Variants in DIS3L2 observed in about 807,000 individuals in gnomAD.
The protein encoded by DIS3L2 is DIS3 like 3'-5' exoribonuclease 2.
In DIS3L2, 34 loss-of-function variants were observed where a neutral mutation model predicts 97.5. The ratio of observed to expected loss-of-function variants is 0.35; its 90% CI spans 0.27 to 0.46. The LOEUF (loss-of-function observed/expected upper bound fraction) is 0.46. Ranked by LOEUF, DIS3L2 falls within the 20% of genes least tolerant of loss-of-function variation. The pLI is 1.00. For synonymous variants in DIS3L2, 435 were observed against 445.2 expected, an observed-to-expected ratio of 0.98 and a Z score of 0.29; for missense variants, 1,038 against 1,146.0, an observed-to-expected ratio of 0.91 and a Z score of 1.36.
At chr2:232,039,121 C>G (rs966730253) in intron 5 of DIS3L2, among the ~76,000 whole-genome samples, 5 of 152,108 alleles carry the variant, frequency 3.3e-5, no homozygotes, top group Non-Finnish European at 7.4e-5. Context: ...TTAACGTCAG[C>G]CCCATTAGGT....
chr2:232,041,198 A>C (rs1008836606), intron 5 of DIS3L2, among the ~76,000 whole-genome samples: 2 of 152,204 alleles, frequency 1.3e-5, no homozygotes, highest in Admixed American at 1.3e-4. Context: ...TAGACAGTGG[A>C]GATGACCCAA....
downstream of DIS3L2, chr2:232,340,978 G>T (rs1417236757): frequency 6.4e-6 from 3 of 468,152 alleles, no homozygotes; most frequent in Non-Finnish European, 8.9e-6. Flanking sequence ...CCTTCCTGGA[G>T]GTGAGAAAGC....
intron 5 of DIS3L2, among the ~76,000 whole-genome samples, chr2:232,041,525 G>A (rs1362545694): frequency 2.6e-5 from 4 of 152,162 alleles, no homozygotes; most frequent in African/African-American, 9.7e-5. Flanking sequence ...CATACTGGGA[G>A]CAAAAACCAA....
intron 9 of DIS3L2, among the ~76,000 whole-genome samples, chr2:232,184,856 C>G (rs951590390): frequency 6.6e-6 from 1 of 152,184 alleles, no homozygotes; most frequent in Non-Finnish European, 1.5e-5. Flanking sequence ...AGCCCTTCAT[C>G]TTTCCTCAGT....
downstream of DIS3L2, chr2:232,337,284 G>GGCC: frequency 1.3e-6 from 1 of 788,992 alleles, no homozygotes; most frequent in Non-Finnish European, 1.5e-6. Context: ...CTCTGCACCA[G>GGCC]CTCCGCAGGG....
At chr2:231,989,676 A>G (rs900484676) in intron 1 of DIS3L2, among the ~76,000 whole-genome samples, 1 of 152,038 alleles carries the variant, frequency 6.6e-6, no homozygotes, top group Non-Finnish European at 1.5e-5. Flanking sequence ...TCTACAAAAA[A>G]GTAGAAAAAA....
chr2:232,233,239 C>T (rs530981854), intron 10 of DIS3L2, among the ~76,000 whole-genome samples: 1 of 152,334 alleles, frequency 6.6e-6, no homozygotes, highest in East Asian at 1.9e-4. Flanking sequence ...CGGATTTATT[C>T]CTCACAGTCC....
In DIS3L2 at chr2:231,989,098, G is replaced by T. The variant is rs368954723; in HGVS notation, c.-93-25737G>T. 2.0e-5 allele frequency among the ~76,000 whole-genome samples: 3 copies of T among 152,178 alleles called. No individual in the cohort carries two copies. In the South Asian group the frequency reaches 6.2e-4, roughly 32 times the overall value. On this transcript the variant is annotated intron_variant, in intron 1 of 20. Transcript: ENST00000325385. ...TGGAGATGTGATGGCTCGGATTACCGTTGAAATTATGCGTGTAGATAGTGG... is the reference window on the plus strand; with the variant it reads ...TGGAGATGTGATGGCTCGGATTACCTTTGAAATTATGCGTGTAGATAGTGG...
At chr2:232,049,738 G>C (rs1371336637) in intron 5 of DIS3L2, among the ~76,000 whole-genome samples, 2 of 152,148 alleles carry the variant, frequency 1.3e-5, no homozygotes, top group Non-Finnish European at 1.5e-5. Flanking sequence ...TTCATCCTGT[G>C]ACCTTGTTGA....
chr2:232,326,093 GGGCCCTGCTGACCGGGTCATCTCT>G (rs1695564934), intron 14 of DIS3L2, among the ~76,000 whole-genome samples: 1 of 152,184 alleles, frequency 6.6e-6, no homozygotes, highest in Non-Finnish European at 1.5e-5. Flanking sequence ...TCAGGGGAGA[GGGCCCTGCTGACCGGGTCATCTCT>G]GGCCCTGGGT....
rs1413129329 is a variant in DIS3L2, at chr2:232,276,387, C to A, written c.1659+12947C>A. On this transcript the variant is annotated intron_variant, in intron 13 of 20. Transcript: ENST00000325385. This position sits in a 1 kb window ranked among gnomAD's most constrained non-coding sequence, Gnocchi z 4.4. Reference sequence around the variant, plus strand: ...TCAGGCTTACCCACCTCCCTGGTGGCTATGCCAGAGCACAGCTGAGCTCAC... The same window carrying A: ...TCAGGCTTACCCACCTCCCTGGTGGATATGCCAGAGCACAGCTGAGCTCAC... Among the ~76,000 whole-genome samples, 1 of 152,230 alleles carries A rather than the reference C, an allele frequency of 6.6e-6. No homozygotes were observed. The highest frequency in any genetic ancestry group is 1.5e-5 in the Non-Finnish European group (1 of 68,044).
At chr2:232,202,339 A>G (rs867412841) in intron 9 of DIS3L2, among the ~76,000 whole-genome samples, 9 of 152,302 alleles carry the variant, frequency 5.9e-5, no homozygotes, top group East Asian at 1.9e-4. Context: ...CGGAGGTTGC[A>G]GTGAGCAGAG....
At chr2:232,264,509 CTA>C (rs936599789) in intron 13 of DIS3L2, among the ~76,000 whole-genome samples, 1 of 152,156 alleles carries the variant, frequency 6.6e-6, no homozygotes, top group African/African-American at 2.4e-5. Context: ...AGAGGAGAGA[CTA>C]TGTTTTGTAT....
rs10682281 is a variant in DIS3L2, at chr2:232,128,451, ATTTTTTTT to A, written c.602-2147_602-2140del. Among the ~76,000 whole-genome samples the A allele has an allele frequency of 1.2e-3, 83 of 71,694 alleles. 1 individual carries two copies. In the East Asian group the frequency reaches 0.022, roughly 19 times the overall value. The allele number at this position is 71,694 out of a possible 152,430, so 47.0% of individuals were successfully genotyped here. A position where few individuals can be genotyped will look rare whatever the true frequency, so the allele number is the denominator to read the frequency against. On this transcript the variant is annotated intron_variant, in intron 6 of 20. Transcript: ENST00000325385. The stretch of plus-strand genomic sequence containing the variant: ...TCTCATTAAATTGACAACTTTGCTA[ATTTTTTTT>A]TTTTTTTTTTTTTTTTTTTTGGAGA...
intron 14 of DIS3L2, among the ~76,000 whole-genome samples, chr2:232,308,826 G>C (rs1237822679): frequency 1.3e-5 from 2 of 152,292 alleles, no homozygotes; most frequent in East Asian, 3.9e-4. Context: ...CGGGGTCTCA[G>C]AACACACTCT....
At chr2:232,273,417 G>C (rs1694057116) in intron 13 of DIS3L2, among the ~76,000 whole-genome samples, 1 of 152,162 alleles carries the variant, frequency 6.6e-6, no homozygotes, top group Admixed American at 6.5e-5. Context: ...AAAGATGATG[G>C]TAGCTGTGTT....
chr2:232,089,363 G>T (rs770802259), intron 6 of DIS3L2, among the ~76,000 whole-genome samples: 4 of 152,206 alleles, frequency 2.6e-5, no homozygotes, highest in Non-Finnish European at 5.9e-5. Flanking sequence ...TGGTTTCCCT[G>T]TTTAGAGCTC....
chr2:232,052,720 T>A (rs562178778), intron 5 of DIS3L2, among the ~76,000 whole-genome samples: 2 of 152,362 alleles, frequency 1.3e-5, no homozygotes, highest in South Asian at 4.1e-4. Context: ...CTAGACTGGT[T>A]TCACAGGTTG....
At chr2:232,104,813 G>GT (rs1299881857) in intron 6 of DIS3L2, among the ~76,000 whole-genome samples, 1 of 152,038 alleles carries the variant, frequency 6.6e-6, no homozygotes, top group Non-Finnish European at 1.5e-5. Flanking sequence ...TTGCTTGTTT[G>GT]TTTTTTGCTT....
Sources: allele counts gnomAD v4.1 joint callset (sites outside exome capture counted in the v4.1 genomes callset), GRCh38; gene constraint gnomAD v4.1.1; non-coding constraint Gnocchi (gnomAD v3.1); transcripts MANE v1.5; gene names NCBI Gene and HGNC (gene_info 2026-07-23, HGNC 2026-07-21).